MAP3K20: variants seen among roughly 807,000 people sequenced by gnomAD.
The protein encoded by MAP3K20 is HCCS-4.
Under a neutral mutation model 85.7 loss-of-function variants are expected in MAP3K20, and 40 were observed. The observed-to-expected ratio is 0.47, with a 90% CI of 0.36 to 0.61. The LOEUF (loss-of-function observed/expected upper bound fraction) is 0.61. MAP3K20 is among the 20% of genes least tolerant of loss of function. MAP3K20 has a pLI of 0.00. For missense variants in MAP3K20, 817 were observed against 961.7 expected, an observed-to-expected ratio of 0.85 and a Z score of 1.99; for synonymous variants, 325 against 327.7, an observed-to-expected ratio of 0.99 and a Z score of 0.09.
chr2:173,101,609 A>G (rs1446610840), intron 2 of MAP3K20, among the ~76,000 whole-genome samples: 1 of 152,262 alleles, frequency 6.6e-6, no homozygotes, highest in African/African-American at 2.4e-5. Context: ...AGTATACAGC[A>G]TGAATTCAAT....
At chr2:173,159,552 G>T (rs1294209553) in intron 2 of MAP3K20, among the ~76,000 whole-genome samples, 2 of 151,936 alleles carry the variant, frequency 1.3e-5, no homozygotes, top group African/African-American at 4.8e-5. Context: ...ACTACGCCTG[G>T]CTAATTTCTG....
rs1024175308 is a variant in MAP3K20 at position 173,187,719 on chromosome 2, C to A, written c.415+96C>A. The A allele has an allele frequency of 1.5e-5, 17 of 1,112,934 alleles. 1 individual carries two copies. In the Admixed American group the frequency reaches 4.0e-4, roughly 26 times the overall value. The allele number at this position is 1,112,934 out of a possible 1,614,324, so 68.9% of individuals were successfully genotyped here. A position where few individuals can be genotyped will look rare whatever the true frequency, so the allele number is the denominator to read the frequency against. ...TCATTCTTTTACATATCTTTTGTAA[C>A]CTACTATTGGACTCACTGCTGATAC... On this transcript the variant is annotated intron_variant, in intron 5 of 19. Coordinates refer to ENST00000375213, the MANE Select transcript of MAP3K20 (RefSeq NM_016653.3).
At chr2:173,119,269 G>A (rs1688209818) in intron 2 of MAP3K20, among the ~76,000 whole-genome samples, 1 of 152,208 alleles carries the variant, frequency 6.6e-6, no homozygotes, top group Non-Finnish European at 1.5e-5. Context: ...TCTGCTGGGG[G>A]TCCAGTGACG....
At chr2:173,146,015 A>G (rs1689125925) in intron 2 of MAP3K20, among the ~76,000 whole-genome samples, 2 of 152,204 alleles carry the variant, frequency 1.3e-5, no homozygotes, top group African/African-American at 2.4e-5. Flanking sequence ...ATAAAAGGCA[A>G]AATTATCTCT....
intron 14 of MAP3K20, among the ~76,000 whole-genome samples, chr2:173,237,883 TGTC>T (rs1684691464): frequency 6.6e-6 from 1 of 152,204 alleles, no homozygotes; most frequent in African/African-American, 2.4e-5. Flanking sequence ...ATCTTTAAAA[TGTC>T]TTCTTTCTTG....
At chr2:173,222,604 G>T in intron 11 of MAP3K20, 3 of 985,310 alleles carry the variant, frequency 3.0e-6, no homozygotes, top group Non-Finnish European at 3.6e-6. Context: ...TTTTTTAGAG[G>T]GGCATAATAA....
chr2:173,122,971 T>A (rs1038132367), intron 2 of MAP3K20, among the ~76,000 whole-genome samples: 1 of 152,248 alleles, frequency 6.6e-6, no homozygotes, highest in Non-Finnish European at 1.5e-5. Flanking sequence ...TTTTCAGAGA[T>A]GCAGCGCTCC....
intron 2 of MAP3K20, among the ~76,000 whole-genome samples, chr2:173,100,963 A>G (rs1052537064): frequency 6.6e-6 from 1 of 152,120 alleles, no homozygotes; most frequent in Non-Finnish European, 1.5e-5. Context: ...AATCTAAGAC[A>G]CTCCAAGGTG....
At chr2:173,183,509 C>T (rs1450090855) in intron 4 of MAP3K20, among the ~76,000 whole-genome samples, 1 of 152,102 alleles carries the variant, frequency 6.6e-6, no homozygotes, top group Admixed American at 6.5e-5. Context: ...TACACCAAAC[C>T]CCTAAACAAA....
At chr2:173,209,144 T>C (rs1683790455) in intron 9 of MAP3K20, among the ~76,000 whole-genome samples, 1 of 152,228 alleles carries the variant, frequency 6.6e-6, no homozygotes, top group Non-Finnish European at 1.5e-5. Flanking sequence ...GTAGATTGTG[T>C]GTCATGGAGG....
chr2:173,231,756 G>A (rs902777372), intron 12 of MAP3K20, among the ~76,000 whole-genome samples: 2 of 152,320 alleles, frequency 1.3e-5, no homozygotes. Context: ...CTTGGCTGGG[G>A]CCACGTGGCT....
chr2:173,110,228 TATATATATATA>T (rs1248855563), intron 2 of MAP3K20, among the ~76,000 whole-genome samples: 117 of 11,162 alleles, frequency 0.01, no homozygotes, highest in Middle Eastern at 0.019. Context: ...TATATATATA[TATATATATATA>T]TATTTTTTTT....
At chr2:173,217,354 T>G (rs970281855) in intron 11 of MAP3K20, 104 bp downstream of exon 11, 2 of 1,312,644 alleles carry the variant, frequency 1.5e-6, no homozygotes, top group Admixed American at 3.0e-5. Flanking sequence ...CGCCCCCTCC[T>G]CATTTCCTGC....
chr2:173,243,918 G>T (rs1393193581), intron 16 of MAP3K20, among the ~76,000 whole-genome samples: 1 of 152,172 alleles, frequency 6.6e-6, no homozygotes, highest in Non-Finnish European at 1.5e-5. Context: ...GAGTCACTGC[G>T]CCCGGCCCAG....
At chr2:173,098,966 G>C (rs940267965) in intron 2 of MAP3K20, among the ~76,000 whole-genome samples, 1 of 152,198 alleles carries the variant, frequency 6.6e-6, no homozygotes, top group South Asian at 2.1e-4. Flanking sequence ...CTTTCTAGTT[G>C]TTTCTGATGT....
At chr2:173,178,600 T>C (rs912704353) in intron 3 of MAP3K20, among the ~76,000 whole-genome samples, 13 of 152,114 alleles carry the variant, frequency 8.5e-5, no homozygotes, top group African/African-American at 3.1e-4. Flanking sequence ...GCTAAGATCA[T>C]GCAACTGCAC....
intron 12 of MAP3K20, among the ~76,000 whole-genome samples, chr2:173,231,732 G>A (rs1684527346): frequency 6.6e-6 from 1 of 152,198 alleles, no homozygotes; most frequent in African/African-American, 2.4e-5. Flanking sequence ...TACATAGGAA[G>A]CTCCACACTT....
intron 2 of MAP3K20, among the ~76,000 whole-genome samples, chr2:173,116,540 A>T (rs1300794754): frequency 6.6e-6 from 1 of 152,168 alleles, no homozygotes; most frequent in Non-Finnish European, 1.5e-5. Flanking sequence ...GCCACCCCTC[A>T]TCACTGACTT....
At chr2:173,151,406 T>A (rs1318186193) in intron 2 of MAP3K20, among the ~76,000 whole-genome samples, 1 of 152,190 alleles carries the variant, frequency 6.6e-6, no homozygotes, top group Non-Finnish European at 1.5e-5. Context: ...TACTTCCACA[T>A]TTTGACATTT....
Sources: allele counts gnomAD v4.1 joint callset (sites outside exome capture counted in the v4.1 genomes callset), GRCh38; gene constraint gnomAD v4.1.1; transcripts MANE v1.5; gene names NCBI Gene and HGNC (gene_info 2026-07-23, HGNC 2026-07-21).